The following WNK1 variants were observed in gnomAD, a reference collection of about 807,000 sequenced individuals.
WNK1 encodes the protein WNK lysine deficient protein kinase 1.
In WNK1, 38 loss-of-function variants were observed where a neutral mutation model predicts 222.8. That is an observed-to-expected ratio of 0.17 (90% CI 0.13 to 0.22). WNK1 has a LOEUF of 0.22. Ranked by LOEUF, WNK1 falls within the 10% of genes least tolerant of loss-of-function variation. The pLI is 1.00. For synonymous variants in WNK1, 1,090 were observed against 1,092.9 expected (o/e 1.00, Z 0.05); for missense variants, 2,348 against 2,918.4 (o/e 0.80, Z 4.50).
intron 1 of WNK1, among the ~76,000 whole-genome samples, chr12:782,902 CT>C (rs552829869): frequency 3.5e-4 from 51 of 146,532 alleles, no homozygotes; most frequent in African/African-American, 9.2e-4. Context: ...AACATAGTTT[CT>C]TTTTTTTTTT....
intron 4 of WNK1, among the ~76,000 whole-genome samples, chr12:830,968 T>C (rs931649240): frequency 6.6e-6 from 1 of 152,218 alleles, no homozygotes; most frequent in Admixed American, 6.5e-5. Flanking sequence ...TTTCTTTTTC[T>C]GCATGCATGT....
intron 1 of WNK1, among the ~76,000 whole-genome samples, chr12:797,441 G>T (rs1010315563): frequency 6.6e-6 from 1 of 152,130 alleles, no homozygotes; most frequent in African/African-American, 2.4e-5. Flanking sequence ...TTTATAAAAA[G>T]GTAGATTTTG....
Position 885,505 on chromosome 12 carries a change from G to T in WNK1, c.4701G>T (p.Leu1567=). The T allele has an allele frequency of 6.2e-7, 1 of 1,614,024 alleles. No individual in the cohort carries two copies. The highest frequency in any genetic ancestry group is 1.1e-5 in the South Asian group (1 of 91,088). The change falls in exon 19 of 28, where the codon CTG becomes CTT. Residue 1567 remains leucine, a synonymous_variant. Transcript: ENST00000315939. ...GTTATATTTCTCAGCCTGGTGGGCTGCATCCTTTGGTCATTCCATCAGTGA... is the reference window on the plus strand; with the variant it reads ...GTTATATTTCTCAGCCTGGTGGGCTTCATCCTTTGGTCATTCCATCAGTGA... The part of the protein sequence containing the change: ...VSSYISQPGG[L]HPLVIPSVIA...
At chr12:870,779 C>T (rs1008191621) in intron 8 of WNK1, among the ~76,000 whole-genome samples, 2 of 152,196 alleles carry the variant, frequency 1.3e-5, no homozygotes, top group East Asian at 1.9e-4. Context: ...TAGCAATGAT[C>T]GCCCTAGGTA....
intron 1 of WNK1, among the ~76,000 whole-genome samples, chr12:778,711 TTTAAGA>T (rs1470299644): frequency 1.3e-5 from 2 of 151,770 alleles, no homozygotes; most frequent in African/African-American, 2.4e-5. Context: ...TTCATTAGAG[TTTAAGA>T]TTATGAATGA....
chr12:895,569 C>A (rs1397597943), intron 23 of WNK1, among the ~76,000 whole-genome samples: 1 of 152,172 alleles, frequency 6.6e-6, no homozygotes, highest in Non-Finnish European at 1.5e-5. Context: ...AGTGATTCTC[C>A]TGCCTCAGCC....
intron 2 of WNK1, among the ~76,000 whole-genome samples, chr12:825,231 A>G (rs925533655): frequency 2.0e-5 from 3 of 152,108 alleles, no homozygotes; most frequent in Non-Finnish European, 4.4e-5. Context: ...GTTTTGATAT[A>G]TTTTTTAAAC....
intron 1 of WNK1, among the ~76,000 whole-genome samples, chr12:809,223 A>AG (rs1394560357): frequency 1.7e-4 from 19 of 110,264 alleles, no homozygotes; most frequent in African/African-American, 4.4e-4. Context: ...TATTCTTTTG[A>AG]GGAAAAAAAA....
In WNK1 at chr12:827,458, G is replaced by A. The variant is rs2154026128; in HGVS notation, c.1153+196G>A. Reference sequence around the variant, plus strand: ...CTTGGAATCATCTTAGAGACTATTGGTAACATTACGTTACAAGAAATAAAG... The same window carrying A: ...CTTGGAATCATCTTAGAGACTATTGATAACATTACGTTACAAGAAATAAAG... On this transcript the variant is annotated intron_variant, in intron 3 of 27. Coordinates refer to ENST00000315939, the MANE Select transcript of WNK1 (RefSeq NM_018979.4). This position sits in a 1 kb window ranked among gnomAD's most constrained non-coding sequence, Gnocchi z 4.6. 1 of 601,112 alleles carries A rather than the reference G, an allele frequency of 1.7e-6. No homozygotes were observed. Among genetic ancestry groups the A allele is most frequent in the Non-Finnish European group, 3.0e-6 (1 of 337,066 alleles). The allele number at this position is 601,112 out of a possible 1,614,324, so 37.2% of individuals were successfully genotyped here.
At chr12:764,845 C>A (rs1159478585) in intron 1 of WNK1, among the ~76,000 whole-genome samples, 1 of 147,410 alleles carries the variant, frequency 6.8e-6, no homozygotes, top group Non-Finnish European at 1.5e-5. Flanking sequence ...AATACAATAT[C>A]CACCAGCCTC....
intron 4 of WNK1, among the ~76,000 whole-genome samples, chr12:833,946 G>T (rs1299560292): frequency 6.6e-6 from 1 of 152,142 alleles, no homozygotes; most frequent in Admixed American, 6.5e-5. Context: ...AGATTAATAT[G>T]TAAACAAAGA....
chr12:884,268 G>A lies in WNK1; in HGVS notation c.3844+25G>A, dbSNP rs771270200. The A allele has an allele frequency of 3.1e-6, 5 of 1,613,676 alleles. No homozygotes were observed. Among genetic ancestry groups the A allele is most frequent in the Non-Finnish European group, 4.2e-6 (5 of 1,179,808 alleles). On this transcript the variant is annotated intron_variant, in intron 18 of 27. Transcript: ENST00000315939. This position sits in a 1 kb window ranked among gnomAD's most constrained non-coding sequence, Gnocchi z 5.6. ...GGTAAGGGATTGATTCTGCCACATT[G>A]TTATGTAAATTCTACAGTGCCTCTG...
At chr12:902,314 A>G (rs901704691) in intron 26 of WNK1, among the ~76,000 whole-genome samples, 1 of 152,088 alleles carries the variant, frequency 6.6e-6, no homozygotes, top group Non-Finnish European at 1.5e-5. Context: ...AAAAAAAGAA[A>G]CGAAATGAAG....
chr12:882,728 A>G (rs1261126515), intron 14 of WNK1, among the ~76,000 whole-genome samples: 2 of 152,236 alleles, frequency 1.3e-5, no homozygotes, highest in Non-Finnish European at 2.9e-5. Context: ...TAGAAAAAGA[A>G]TAGAGAGTTT....
Position 884,051 on chromosome 12 carries a change from A to T in WNK1, c.3722-70A>T. On this transcript the variant is annotated intron_variant, in intron 17 of 27. Transcript: ENST00000315939. This position sits in a 1 kb window ranked among gnomAD's most constrained non-coding sequence, Gnocchi z 5.6. ...TCAAAAAAAGCAGTTGTATGTGCCA[A>T]TAATGAAGTCTAACAATATTTATAA... 6.2e-7 allele frequency: 1 copy of T among 1,605,652 alleles called. No homozygotes were observed. Among genetic ancestry groups the T allele is most frequent in the Non-Finnish European group, 8.5e-7 (1 of 1,174,048 alleles).
Position 753,717 on chromosome 12 carries a change from C to G in WNK1, c.152C>G (p.Thr51Ser). The G allele has an allele frequency of 6.2e-7, 1 of 1,612,098 alleles. No homozygotes were observed. Among genetic ancestry groups the G allele is most frequent in the Non-Finnish European group, 8.5e-7 (1 of 1,179,784 alleles). Reference protein sequence around the residue: ...AAAADAVTGRTEEYRRRRHTM... With the variant: ...AAAADAVTGRSEEYRRRRHTM... ...GCCGCCGACGCTGTGACCGGCAGGA[C>G]CGAGGAGTACAGGCGCCGCCGCCAC... Residue 51 changes from threonine (T) to serine (S), a missense_variant, in exon 1 of 28, where the codon ACC (threonine) becomes AGC (serine). Transcript: ENST00000315939. The surrounding 1 kb of genome is among the most constrained non-coding windows in gnomAD (Gnocchi z 5.2).
intron 8 of WNK1, among the ~76,000 whole-genome samples, chr12:864,110 G>GTTTTTTTTTTTTTTTTTTTTT (rs372936466): frequency 3.2e-5 from 4 of 124,576 alleles, no homozygotes; most frequent in African/African-American, 1.2e-4. Flanking sequence ...ATTTTTTTAA[G>GTTTTTTTTTTTTTTTTTTTTT]TTTTTTTTTT....
intron 22 of WNK1, among the ~76,000 whole-genome samples, chr12:893,103 A>G (rs1954411167): frequency 6.6e-6 from 1 of 152,092 alleles, no homozygotes; most frequent in South Asian, 2.1e-4. Context: ...AAGAAATTTT[A>G]AAAATTAGCC....
In WNK1 at chr12:900,558, G is replaced by A. The variant is rs1160566628; in HGVS notation, c.6531G>A (p.Gly2177=). The A allele has an allele frequency of 1.9e-6, 3 of 1,614,070 alleles. No individual in the cohort carries two copies. The highest frequency in any genetic ancestry group is 4.5e-5 in the East Asian group (2 of 44,894). Residue 2177 remains glycine, a synonymous_variant, in exon 26 of 28, where the codon GGG becomes GGA. Transcript: ENST00000315939. ...LHPPGNIPES[G]QNQLLQPLKP... ...CTCCTGGCAACATCCCAGAGTCCGG[G>A]CAGAATCAGCTGTTACAGCCCCTTA...
Sources: allele counts gnomAD v4.1 joint callset (sites outside exome capture counted in the v4.1 genomes callset), GRCh38; gene constraint gnomAD v4.1.1; non-coding constraint Gnocchi (gnomAD v3.1); transcripts MANE v1.5; gene names NCBI Gene and HGNC (gene_info 2026-07-23, HGNC 2026-07-21).